The following EPM2A variants were observed in gnomAD, a reference collection of about 807,000 sequenced individuals.
EPM2A encodes laforin.
In EPM2A, 21 loss-of-function variants were observed where a neutral mutation model predicts 26.5. That is an observed-to-expected ratio of 0.79 (90% CI 0.56 to 1.14). The LOEUF is 1.14. Ranked by LOEUF, EPM2A falls within the 50% of genes most tolerant of loss-of-function variation. The pLI, the probability that EPM2A is intolerant of heterozygous loss-of-function variation, is 0.00. For synonymous variants in EPM2A, 217 were observed against 177.6 expected, an observed-to-expected ratio of 1.22 and a Z score of -1.76; for missense variants, 458 against 440.8, an observed-to-expected ratio of 1.04 and a Z score of -0.35.
intron 4 of EPM2A, among the ~76,000 whole-genome samples, chr6:145,447,543 A>C (rs1478246462): frequency 6.9e-6 from 1 of 144,404 alleles, no homozygotes; most frequent in African/African-American, 2.9e-5. Context: ...CCAAACACAG[A>C]TTTTATTTTT....
downstream of EPM2A, among the ~76,000 whole-genome samples, chr6:145,621,917 G>A (rs972118192): frequency 1.3e-5 from 2 of 151,986 alleles, no homozygotes; most frequent in East Asian, 3.8e-4. Flanking sequence ...TCTTGTTTCT[G>A]TTACTGTGCA....
chr6:145,611,199 C>G (rs1311358123), intron 2 of EPM2A, among the ~76,000 whole-genome samples: 1 of 152,066 alleles, frequency 6.6e-6, no homozygotes, highest in Non-Finnish European at 1.5e-5. Flanking sequence ...GCAAATGTTT[C>G]AAATTAAACT....
At chr6:145,584,246 G>A (rs772997314) in intron 2 of EPM2A, among the ~76,000 whole-genome samples, 1 of 152,170 alleles carries the variant, frequency 6.6e-6, no homozygotes, top group Non-Finnish European at 1.5e-5. Flanking sequence ...GTGTGCTGGT[G>A]CTCTCTGATG....
chr6:145,546,531 C>T (rs1304447761), intron 2 of EPM2A, among the ~76,000 whole-genome samples: 1 of 152,050 alleles, frequency 6.6e-6, no homozygotes, highest in Non-Finnish European at 1.5e-5. Flanking sequence ...GGTATCCCTT[C>T]ACCAGTCAAG....
chr6:145,714,301 C>G lies in EPM2A; in HGVS notation c.301+20897G>C, dbSNP rs114081813. Among the ~76,000 whole-genome samples the G allele has an allele frequency of 4.5e-3, 683 of 152,300 alleles. 6 individuals carry two copies. Among genetic ancestry groups the G allele is most frequent in the African/African-American group, 0.015 (640 of 41,574 alleles). ...TTTGCATATAACATACACACATCCTCCTGTATGCAGTAAGCCCTCAATTAA... is the reference window on the plus strand; with the variant it reads ...TTTGCATATAACATACACACATCCTGCTGTATGCAGTAAGCCCTCAATTAA... On this transcript the variant is annotated intron_variant, in intron 1 of 3. Coordinates refer to ENST00000367519, the MANE Select transcript of EPM2A (RefSeq NM_005670.4).
chr6:145,424,334 G>T (rs1190841518), intron 4 of EPM2A, among the ~76,000 whole-genome samples: 1 of 152,208 alleles, frequency 6.6e-6, no homozygotes, highest in Non-Finnish European at 1.5e-5. Context: ...TAAACTGAAG[G>T]AGATTAAGCT....
intron 4 of EPM2A, among the ~76,000 whole-genome samples, chr6:145,438,469 A>ATT (rs68038397): frequency 0.025 from 2,916 of 117,194 alleles, 83 homozygotes; most frequent in Non-Finnish European, 0.034. Context: ...GAAGGGAATA[A>ATT]TTTTTTTTTT....
intron 2 of EPM2A, among the ~76,000 whole-genome samples, chr6:145,580,288 C>A (rs1781094561): frequency 6.6e-6 from 1 of 152,030 alleles, no homozygotes; most frequent in South Asian, 2.1e-4. Context: ...CATAATTTAT[C>A]ATTTATGATT....
At chr6:145,426,088 C>T (rs1778850975) in intron 4 of EPM2A, among the ~76,000 whole-genome samples, 1 of 152,008 alleles carries the variant, frequency 6.6e-6, no homozygotes, top group South Asian at 2.1e-4. Context: ...AAGTTATTTC[C>T]AAGCAGTTTC....
At chr6:145,649,948 A>C (rs1376113346) in intron 2 of EPM2A, among the ~76,000 whole-genome samples, 1 of 152,202 alleles carries the variant, frequency 6.6e-6, no homozygotes. Context: ...GGCAAATTTT[A>C]AGTTATGAAT....
chr6:145,422,240 CAT>C (rs1778798414), intron 4 of EPM2A, among the ~76,000 whole-genome samples: 1 of 145,528 alleles, frequency 6.9e-6, no homozygotes, highest in Non-Finnish European at 1.5e-5. Context: ...TATTTGTATA[CAT>C]GATATATAAA....
chr6:145,388,688 C>G (rs1379532945), intron 4 of EPM2A, among the ~76,000 whole-genome samples: 1 of 152,056 alleles, frequency 6.6e-6, no homozygotes, highest in Non-Finnish European at 1.5e-5. Flanking sequence ...TGACAGGCCC[C>G]AGTGTATGAT....
chr6:145,455,361 A>T (rs1360124012), intron 4 of EPM2A, among the ~76,000 whole-genome samples: 2 of 152,042 alleles, frequency 1.3e-5, no homozygotes, highest in Admixed American at 6.6e-5. Flanking sequence ...AACTAAAAAA[A>T]TTTTTTTCTT....
chr6:145,716,348 C>A (rs1202434165), intron 1 of EPM2A, among the ~76,000 whole-genome samples: 1 of 152,114 alleles, frequency 6.6e-6, no homozygotes, highest in African/African-American at 2.4e-5. Flanking sequence ...CAGGATCCAC[C>A]CATGAAGATT....
At chr6:145,591,716 G>A (rs1340480919) in intron 2 of EPM2A, among the ~76,000 whole-genome samples, 1 of 151,990 alleles carries the variant, frequency 6.6e-6, no homozygotes, top group East Asian at 1.9e-4. Context: ...GAAAGAAAAT[G>A]ACCTAAGTCA....
At chr6:145,697,606 C>A (rs530950237) in intron 1 of EPM2A, among the ~76,000 whole-genome samples, 7 of 152,086 alleles carry the variant, frequency 4.6e-5, no homozygotes, top group African/African-American at 1.7e-4. Context: ...AGATGGCCGC[C>A]CCCCGAAGCG....
intron 2 of EPM2A, among the ~76,000 whole-genome samples, chr6:145,659,783 T>G (rs1200283487): frequency 6.6e-6 from 1 of 152,238 alleles, no homozygotes; most frequent in African/African-American, 2.4e-5. Context: ...AACCTACTCT[T>G]GTACCAACCA....
rs189105992 is a variant in EPM2A at position 145,479,994 on chromosome 6, A to G, written c.555+22528T>C. Among the ~76,000 whole-genome samples the G allele has an allele frequency of 1.6e-3, 243 of 152,114 alleles. 1 individual carries two copies. Among genetic ancestry groups the G allele is most frequent in the African/African-American group, 5.5e-3 (227 of 41,542 alleles). ...GTATCTCATTGTAGTTTTGATTTTC[A>G]ATTTCGTAATGATTAGTATTGCTCA... On this transcript the variant is annotated intron_variant, in intron 4 of 4. Coordinates refer to the EPM2A transcript ENST00000638717.
downstream of EPM2A, among the ~76,000 whole-genome samples, chr6:145,497,707 C>T (rs1036496646): frequency 6.6e-6 from 1 of 152,230 alleles, no homozygotes; most frequent in African/African-American, 2.4e-5. Flanking sequence ...AGGAAATTTT[C>T]AAACCTCAGT....
Sources: gnomAD v4.1 joint callset for allele counts (sites outside exome capture counted in the v4.1 genomes callset) on GRCh38, gnomAD v4.1.1 for gene constraint, MANE v1.5 for transcripts, NCBI Gene and HGNC (gene_info 2026-07-23, HGNC 2026-07-21) for gene names.